The following CLASP1 variants were observed in gnomAD, a reference collection of about 807,000 sequenced individuals.
CLASP1 encodes CLIP-associating protein 1.
In CLASP1, 38 loss-of-function variants were observed where a neutral mutation model predicts 192.3. The ratio of observed to expected loss-of-function variants is 0.20; its 90% CI spans 0.15 to 0.26. CLASP1 has a LOEUF of 0.26. Ranked by LOEUF, CLASP1 falls within the 10% of genes least tolerant of loss-of-function variation. The probability of loss-of-function intolerance (pLI) is 1.00; values close to 1 mark genes in which losing one functional copy is unlikely to be tolerated. For missense variants in CLASP1, 1,433 were observed against 1,932.5 expected (o/e 0.74, Z 4.85); for synonymous variants, 691 against 712.8 (o/e 0.97, Z 0.49).
intron 24 of CLASP1, 50 bp from the exon 26 acceptor site, chr2:121,407,765 T>TGAA (rs2077128074): frequency 1.2e-6 from 2 of 1,609,282 alleles, no homozygotes; most frequent in Non-Finnish European, 1.7e-6. Context: ...AATAGAAAGG[T>TGAA]GAAATGACTG....
chr2:121,580,027 C>A (rs1407650964), intron 2 of CLASP1, among the ~76,000 whole-genome samples: 1 of 151,992 alleles, frequency 6.6e-6, no homozygotes, highest in Non-Finnish European at 1.5e-5. Context: ...TTTAGAGCAA[C>A]CAGATTAAAA....
chr2:121,367,533 G>A (rs560712580), intron 35 of CLASP1, 55 bp downstream of exon 36: 1 of 1,608,098 alleles, frequency 6.2e-7, no homozygotes, highest in Admixed American at 1.7e-5. Context: ...CCAGACGGGA[G>A]GGAGCACAAG....
At chr2:121,630,381 A>AACACACACACACAC (rs60827939) in intron 1 of CLASP1, among the ~76,000 whole-genome samples, 6 of 139,066 alleles carry the variant, frequency 4.3e-5, no homozygotes, top group African/African-American at 1.3e-4. Context: ...ATTGGAAAGA[A>AACACACACACACAC]ACACACACAC....
chr2:121,451,503 T>C lies in CLASP1; in HGVS notation c.1445+287A>G, dbSNP rs181101287. 5.6e-4 allele frequency among the ~76,000 whole-genome samples: 86 copies of C among 152,326 alleles called. 1 individual carries two copies. Among genetic ancestry groups the C allele is most frequent in the Admixed American group, 2.2e-3 (34 of 15,308 alleles). ...ACAGCAACTTTAAACTGTTACCTCA[T>C]GGGAACTGACAGGAATGTCAAGCAG... On this transcript the variant is annotated intron_variant, in intron 15 of 39. Transcript: ENST00000263710.
chr2:121,478,658 ACACC>A lies in CLASP1; in HGVS notation c.713-8702_713-8699del, dbSNP rs1559365179. Among the ~76,000 whole-genome samples, 669 of 75,006 alleles carry A rather than the reference ACACC, an allele frequency of 8.9e-3. 26 individuals carry two copies. Among genetic ancestry groups the A allele is most frequent in the African/African-American group, 0.036 (619 of 17,326 alleles). 49.2% of individuals were successfully genotyped at this position (75,006 alleles called of 152,430 possible). On this transcript the variant is annotated intron_variant, in intron 8 of 39. Coordinates refer to ENST00000263710, the Ensembl canonical transcript of CLASP1. ...ACACACACACACCCCCCACACACAC[ACACC>A]CCCCACACACACCACACACACACCC...
chr2:121,592,507 T>A (rs950376239), intron 2 of CLASP1, among the ~76,000 whole-genome samples: 1 of 152,242 alleles, frequency 6.6e-6, no homozygotes, highest in Non-Finnish European at 1.5e-5. Flanking sequence ...TAGAACTTCA[T>A]TCTTTCTATA....
Position 121,491,043 on chromosome 2 carries a change from C to A in CLASP1, c.712+12124G>T, listed in dbSNP as rs551526322. On this transcript the variant is annotated intron_variant, in intron 8 of 39. Transcript: ENST00000263710. Reference sequence around the variant, plus strand: ...AGCCACACTGGGCAATAATTCAGATCTTATCTAACAGAATCTGTCAATGGT... The same window carrying A: ...AGCCACACTGGGCAATAATTCAGATATTATCTAACAGAATCTGTCAATGGT... 5.3e-5 allele frequency among the ~76,000 whole-genome samples: 8 copies of A among 152,334 alleles called. 1 individual carries two copies. In the South Asian group the frequency reaches 1.7e-3, roughly 32 times the overall value.
Position 121,640,305 on chromosome 2 carries a change from C to T in CLASP1, c.-286+9067G>A, listed in dbSNP as rs558320370. Among the ~76,000 whole-genome samples the T allele has an allele frequency of 1.3e-4, 20 of 152,156 alleles. No homozygotes were observed. The South Asian group carries it at 3.7e-3, about 28-fold the overall frequency. The stretch of plus-strand genomic sequence containing the variant: ...TGATGGGTGCAGCGGGCCAGCATTG[C>T]ACATGTATAACTATGTAACGAGCCT... On this transcript the variant is annotated intron_variant, in intron 1 of 39. Coordinates refer to ENST00000263710, the Ensembl canonical transcript of CLASP1.
chr2:121,352,102 T>G (rs1456778533), intron 37 of CLASP1, among the ~76,000 whole-genome samples: 1 of 152,210 alleles, frequency 6.6e-6, no homozygotes, highest in Non-Finnish European at 1.5e-5. Flanking sequence ...AGGAGCCAGA[T>G]GGCAGGGACC....
chr2:121,644,035 T>G (rs1382042761), intron 1 of CLASP1, among the ~76,000 whole-genome samples: 1 of 152,180 alleles, frequency 6.6e-6, no homozygotes, highest in East Asian at 1.9e-4. Context: ...CTACCATGTA[T>G]TACCGACTTA....
At chr2:121,468,784 C>T (rs2090130001) in intron 9 of CLASP1, among the ~76,000 whole-genome samples, 1 of 152,068 alleles carries the variant, frequency 6.6e-6, no homozygotes, top group African/African-American at 2.4e-5. Context: ...CAATCCTAAG[C>T]CCAACGCCAT....
rs139535583 is a variant in CLASP1 at position 121,341,068 on chromosome 2, G to T, written c.4531-121C>A. On this transcript the variant is annotated intron_variant, in intron 39 of 39. Transcript: ENST00000263710. ...AAGTCCCTTAGTTCCCTTGGTTGAG[G>T]AATTCATTATAAAAACATGTTCTGA... The T allele has an allele frequency of 5.8e-4, 399 of 693,610 alleles. No individual in the cohort carries two copies. The Middle Eastern group carries it at 0.011, about 20-fold the overall frequency. The allele number at this position is 693,610 out of a possible 1,614,324, so 43.0% of individuals were successfully genotyped here. A position where few individuals can be genotyped will look rare whatever the true frequency, so the allele number is the denominator to read the frequency against.
At chr2:121,620,761 T>C (rs932762933) in intron 1 of CLASP1, among the ~76,000 whole-genome samples, 1 of 152,248 alleles carries the variant, frequency 6.6e-6, no homozygotes, top group African/African-American at 2.4e-5. Flanking sequence ...CTGTTGATTT[T>C]AAGAATTTCT....
intron 8 of CLASP1, among the ~76,000 whole-genome samples, chr2:121,486,733 C>T (rs947718664): frequency 6.6e-6 from 1 of 152,214 alleles, no homozygotes; most frequent in African/African-American, 2.4e-5. Context: ...AGTAATTACA[C>T]TAAGAGCTAT....
chr2:121,419,613 C>T (rs1188990896), intron 22 of CLASP1, among the ~76,000 whole-genome samples: 6 of 151,314 alleles, frequency 4.0e-5, no homozygotes, highest in African/African-American at 9.7e-5. Context: ...TATAAAACAC[C>T]GAGACTACAA....
At chr2:121,431,897 T>C (rs879707009) in intron 19 of CLASP1, among the ~76,000 whole-genome samples, 2 of 152,190 alleles carry the variant, frequency 1.3e-5, no homozygotes, top group East Asian at 1.9e-4. Context: ...AAGTCACTTA[T>C]GTATCGATAA....
At chr2:121,374,308 TG>T (rs1211354681) in intron 34 of CLASP1, among the ~76,000 whole-genome samples, 1 of 152,228 alleles carries the variant, frequency 6.6e-6, no homozygotes, top group Non-Finnish European at 1.5e-5. Flanking sequence ...AATTGAGGTT[TG>T]GGAGCCTCTA....
At chr2:121,425,392 T>C in intron 21 of CLASP1, 86 bp from the exon 22 acceptor site, 2 of 1,172,912 alleles carry the variant, frequency 1.7e-6, no homozygotes, top group East Asian at 5.3e-5. Context: ...TTTTACACAT[T>C]AATTTGGCTA....
intron 1 of CLASP1, among the ~76,000 whole-genome samples, chr2:121,608,163 G>T (rs2064702677): frequency 6.6e-6 from 1 of 152,116 alleles, no homozygotes. Flanking sequence ...TGTAATACTT[G>T]CAGTTCCTTT....
Sources: gnomAD v4.1 joint callset for allele counts (sites outside exome capture counted in the v4.1 genomes callset) on GRCh38, gnomAD v4.1.1 for gene constraint, MANE v1.5 for transcripts, NCBI Gene and HGNC (gene_info 2026-07-23, HGNC 2026-07-21) for gene names.